SOX6: variants seen among roughly 807,000 people sequenced by gnomAD.
SOX6 encodes the protein transcription factor SOX-6.
A neutral mutation model predicts 97.8 loss-of-function variants in SOX6; 11 were observed. The observed-to-expected ratio is 0.11, with a 90% CI of 0.07 to 0.19. The LOEUF (loss-of-function observed/expected upper bound fraction) is 0.19. SOX6 is among the 10% of genes least tolerant of loss of function. SOX6 has a pLI of 1.00. For missense variants in SOX6, 810 were observed against 1,039.5 expected, an observed-to-expected ratio of 0.78 and a Z score of 3.04; for synonymous variants, 360 against 371.4, an observed-to-expected ratio of 0.97 and a Z score of 0.35.
At chr11:16,680,497 C>G (rs548459730) in intron 3 of SOX6, among the ~76,000 whole-genome samples, 1 of 152,150 alleles carries the variant, frequency 6.6e-6, no homozygotes, top group Non-Finnish European at 1.5e-5. Context: ...CCAGCCACTA[C>G]AAAAAGATGC....
At chr11:15,989,732 T>C (rs1853986314) in intron 13 of SOX6, among the ~76,000 whole-genome samples, 1 of 152,186 alleles carries the variant, frequency 6.6e-6, no homozygotes, top group Admixed American at 6.5e-5. Flanking sequence ...TGTTTCATGA[T>C]TGAATGAATT....
chr11:16,415,618 C>T (rs923546276), intron 1 of SOX6, among the ~76,000 whole-genome samples: 10 of 151,934 alleles, frequency 6.6e-5, no homozygotes, highest in Admixed American at 6.6e-4. Context: ...TGCTAATTAC[C>T]CTGATTTGAT....
At chr11:16,053,789 T>C (rs1847745115) in intron 10 of SOX6, among the ~76,000 whole-genome samples, 1 of 152,158 alleles carries the variant, frequency 6.6e-6, no homozygotes. Context: ...TAAGTAGTCA[T>C]GTTATATACA....
exon 4 of SOX6, chr11:16,612,089 A>C (rs1249421393): frequency 6.5e-6 from 1 of 152,702 alleles, no homozygotes; most frequent in East Asian, 1.9e-4. Flanking sequence ...ACAGTGACAG[A>C]GGGCAGGCTG....
intron 10 of SOX6, among the ~76,000 whole-genome samples, chr11:16,054,261 G>A (rs1210006510): frequency 6.6e-5 from 10 of 152,210 alleles, no homozygotes; most frequent in Non-Finnish European, 1.3e-4. Flanking sequence ...TCAAGTCACT[G>A]ATGTTTGATA....
At chr11:15,996,813 A>G (rs1854240376) in intron 13 of SOX6, among the ~76,000 whole-genome samples, 1 of 152,202 alleles carries the variant, frequency 6.6e-6, no homozygotes, top group African/African-American at 2.4e-5. Context: ...AGCCCAACAG[A>G]TTTAATAATT....
chr11:16,076,231 A>C (rs73417086), intron 9 of SOX6, among the ~76,000 whole-genome samples: 1 of 152,318 alleles, frequency 6.6e-6, no homozygotes, highest in African/African-American at 2.4e-5. Flanking sequence ...ATACCAAAGC[A>C]ATTGCAACAA....
intron 4 of SOX6, among the ~76,000 whole-genome samples, chr11:16,524,743 A>T (rs1590233201): frequency 4.6e-5 from 7 of 152,360 alleles, no homozygotes; most frequent in African/African-American, 1.7e-4. Context: ...CCATTGTCTC[A>T]GCCCAAAATC....
intron 4 of SOX6, among the ~76,000 whole-genome samples, chr11:16,498,106 A>G (rs1860637530): frequency 1.3e-5 from 2 of 152,230 alleles, no homozygotes; most frequent in Admixed American, 6.5e-5. Context: ...CCATCAGACT[A>G]ACAGCTGATC....
chr11:16,088,027 C>A (rs1848613342), intron 9 of SOX6, among the ~76,000 whole-genome samples: 1 of 152,086 alleles, frequency 6.6e-6, no homozygotes, highest in Admixed American at 6.6e-5. Context: ...CAGCTGAAGA[C>A]TGCTGTCTAG....
chr11:16,545,498 A>G lies in SOX6; in HGVS notation n.609+66583T>C, dbSNP rs182816503. Among the ~76,000 whole-genome samples, 166 of 152,346 alleles carry G rather than the reference A, an allele frequency of 1.1e-3. 1 individual carries two copies. The highest frequency in any genetic ancestry group is 3.8e-3 in the African/African-American group (158 of 41,588). On this transcript the variant is annotated intron_variant and non_coding_transcript_variant, in intron 4 of 5. Coordinates refer to the SOX6 transcript ENST00000524520. ...TCCATATATGGCGAAGCCACAGATAACATCATTCTGAATGGGGGAAAGCTG... is the reference window on the plus strand; with the variant it reads ...TCCATATATGGCGAAGCCACAGATAGCATCATTCTGAATGGGGGAAAGCTG...
intron 3 of SOX6, among the ~76,000 whole-genome samples, chr11:16,294,189 C>G (rs1469060088): frequency 6.6e-6 from 1 of 151,930 alleles, no homozygotes; most frequent in Non-Finnish European, 1.5e-5. Flanking sequence ...GTAAGATACT[C>G]AATGGACCCT....
At chr11:16,558,618 C>T (rs1199603374) in intron 4 of SOX6, among the ~76,000 whole-genome samples, 28 of 151,962 alleles carry the variant, frequency 1.8e-4, no homozygotes, top group Admixed American at 1.5e-3. Flanking sequence ...ATTCTAAATA[C>T]GAAGGAGTTG....
At chr11:16,436,965 G>T (rs182006671) in intron 1 of SOX6, among the ~76,000 whole-genome samples, 2 of 152,168 alleles carry the variant, frequency 1.3e-5, no homozygotes, top group Non-Finnish European at 2.9e-5. Context: ...ATTTAAGAAT[G>T]TAAGGGCCTG....
chr11:16,067,247 G>A (rs1199405333), intron 9 of SOX6, among the ~76,000 whole-genome samples: 4 of 152,060 alleles, frequency 2.6e-5, no homozygotes, highest in African/African-American at 9.7e-5. Context: ...GAGGAGACTG[G>A]GGCAAAATAA....
chr11:15,975,975 A>C (rs1396566033), intron 15 of SOX6, among the ~76,000 whole-genome samples: 1 of 152,202 alleles, frequency 6.6e-6, no homozygotes, highest in Non-Finnish European at 1.5e-5. Flanking sequence ...TACTTTCTAG[A>C]GTGAGAGTGA....
rs1451558437 is a variant in SOX6, at chr11:16,049,947, G to A, written c.1252-9C>T. The A allele has an allele frequency of 6.2e-7, 1 of 1,613,254 alleles. No individual in the cohort carries two copies. The highest frequency in any genetic ancestry group is 1.1e-5 in the South Asian group (1 of 91,066). On this transcript the variant is annotated splice_polypyrimidine_tract_variant and intron_variant, in intron 10 of 15. Coordinates refer to ENST00000683767, the MANE Select transcript of SOX6 (RefSeq NM_001367873.1). ...TGTGCTGCTGCTTCATCCTACAAGA[G>A]TTTAACGTAAATAATTATTTTTACA...
At chr11:16,684,918 T>C (rs1235263932) in intron 3 of SOX6, among the ~76,000 whole-genome samples, 2 of 152,076 alleles carry the variant, frequency 1.3e-5, no homozygotes, top group Admixed American at 6.6e-5. Flanking sequence ...CTTTTACTTA[T>C]GGCAGGTGAA....
At chr11:16,493,675 C>A (rs1406752326) in intron 4 of SOX6, among the ~76,000 whole-genome samples, 4 of 152,020 alleles carry the variant, frequency 2.6e-5, no homozygotes, top group South Asian at 2.1e-4. Context: ...AAGTTTTTCT[C>A]GAATGCCTAA....
Sources: gnomAD v4.1 joint callset for allele counts (sites outside exome capture counted in the v4.1 genomes callset) on GRCh38, gnomAD v4.1.1 for gene constraint, MANE v1.5 for transcripts, NCBI Gene and HGNC (gene_info 2026-07-23, HGNC 2026-07-21) for gene names.